Variants in SKP2 observed in about 807,000 individuals in gnomAD.
The protein encoded by SKP2 is S-phase kinase associated protein 2.
Under a neutral mutation model 51.8 loss-of-function variants are expected in SKP2, and 16 were observed. The observed-to-expected ratio is 0.31, with a 90% CI of 0.21 to 0.47. The LOEUF is 0.47. Among genes scored for constraint, SKP2 ranks in the 20% least tolerant of loss-of-function variants. The pLI, the probability that SKP2 is intolerant of heterozygous loss-of-function variation, is 1.00. For missense variants in SKP2, 377 were observed against 505.3 expected, an observed-to-expected ratio of 0.75 and a Z score of 2.43; for synonymous variants, 176 against 198.6, an observed-to-expected ratio of 0.89 and a Z score of 0.96.
intron 6 of SKP2, among the ~76,000 whole-genome samples, chr5:36,191,448 A>G (rs761140691): frequency 7.0e-6 from 1 of 142,850 alleles, no homozygotes; most frequent in Non-Finnish European, 1.5e-5. Context: ...CTGTTCTTCT[A>G]TTCAGATACA....
intron 4 of SKP2, among the ~76,000 whole-genome samples, chr5:36,167,116 C>T (rs975582082): frequency 2.0e-5 from 3 of 151,476 alleles, no homozygotes; most frequent in Non-Finnish European, 4.4e-5. Flanking sequence ...GAAAAAAATG[C>T]CCTCTTTTTG....
rs373280410 is a variant in SKP2, at chr5:36,166,527, A to G, written c.401A>G (p.Glu134Gly). ...CKRWYRLASDESLWQTLDLTG... is the reference protein window; with the variant it reads ...CKRWYRLASDGSLWQTLDLTG... The stretch of plus-strand genomic sequence containing the variant: ...TATCTCCTCTTTTATAGGTCTGATG[A>G]GTCTCTATGGCAGACCTTAGACCTC... Residue 134 changes from glutamate to glycine, a missense_variant, in exon 4 of 10, where the codon GAG (glutamate) becomes GGG (glycine). Physicochemically the swap from Glu to Gly is moderately conservative, Grantham distance 98. Around this residue, in one of 2 missense-constraint regions of SKP2, gnomAD observed 262 missense variants for 389.8 expected, o/e 0.67. Transcript: ENST00000274255. The G allele has an allele frequency of 2.5e-6, 4 of 1,613,802 alleles. No individual in the cohort carries two copies. In the African/African-American group the frequency reaches 5.3e-5, roughly 22 times the overall value.
Position 36,182,738 on chromosome 5 carries a change from T to G in SKP2, c.*707T>G. ...AATCTGAAGTATCCTGTAATGTTCA[T>G]TAAGTTACTGTGTTTCCAGAATCTA... On this transcript the variant is annotated 3_prime_UTR_variant, in exon 10 of 10. Transcript: ENST00000274255. 1 of 981,426 alleles carries G rather than the reference T, an allele frequency of 1.0e-6. No homozygotes were observed. 60.8% of individuals were successfully genotyped at this position (981,426 alleles called of 1,614,324 possible). A position where few individuals can be genotyped will look rare whatever the true frequency, so the allele number is the denominator to read the frequency against.
chr5:36,173,670 C>T (rs941124431), intron 7 of SKP2, among the ~76,000 whole-genome samples: 1 of 152,112 alleles, frequency 6.6e-6, no homozygotes, highest in African/African-American at 2.4e-5. Flanking sequence ...AGCCTGTTTA[C>T]CGAGTTTTGG....
At chr5:36,178,559 G>A (rs1238622811) in intron 9 of SKP2, among the ~76,000 whole-genome samples, 1 of 152,042 alleles carries the variant, frequency 6.6e-6, no homozygotes, top group Non-Finnish European at 1.5e-5. Flanking sequence ...TCATGCGCAT[G>A]AAACTCTTAT....
intron 7 of SKP2, among the ~76,000 whole-genome samples, chr5:36,175,948 TA>T (rs1008960771): frequency 5.4e-5 from 8 of 148,730 alleles, no homozygotes; most frequent in East Asian, 3.9e-4. Flanking sequence ...CTGAATTCTT[TA>T]AAAAAAAAAG....
chr5:36,178,568 A>T (rs984049524), intron 9 of SKP2, among the ~76,000 whole-genome samples: 1 of 152,038 alleles, frequency 6.6e-6, no homozygotes, highest in Non-Finnish European at 1.5e-5. Context: ...TGAAACTCTT[A>T]TTAAAATCCC....
chr5:36,167,055 A>T (rs559110203), intron 4 of SKP2, among the ~76,000 whole-genome samples: 1 of 152,206 alleles, frequency 6.6e-6, no homozygotes, highest in East Asian at 1.9e-4. Flanking sequence ...GAGTCTTTTC[A>T]TGTTTGTAGC....
chr5:36,159,844 A>G (rs1745070172), intron 2 of SKP2, among the ~76,000 whole-genome samples: 1 of 152,206 alleles, frequency 6.6e-6, no homozygotes, highest in Non-Finnish European at 1.5e-5. Flanking sequence ...GGGGGACCCA[A>G]ACTTAAATAA....
Position 36,153,012 on chromosome 5 carries a change from A to G in SKP2, c.250A>G (p.Arg84Gly). The G allele has an allele frequency of 6.2e-7, 1 of 1,614,186 alleles. No homozygotes were observed. Among genetic ancestry groups the G allele is most frequent in the South Asian group, 1.1e-5 (1 of 91,084 alleles). The change falls in exon 2 of 10, where the codon AGG becomes GGG. Residue 84 changes from arginine to glycine, a missense_variant. By Grantham distance (125) the Arg-to-Gly change is moderately radical. Transcript: ENST00000274255. ...TGACAAAGACTTTGTGATTGTCCGC[A>G]GGCCTAAGCTAAATCGAGAGAACTT... is the stretch of plus-strand genomic sequence containing the variant. ...GSDKDFVIVRRPKLNRENFPG... is the reference protein window; with the variant it reads ...GSDKDFVIVRGPKLNRENFPG...
At chr5:36,166,465 C>T in intron 3 of SKP2, 54 bp from the exon 4 acceptor site, 1 of 1,532,058 alleles carries the variant, frequency 6.5e-7, no homozygotes, top group African/African-American at 1.4e-5. Flanking sequence ...TTGTTGAGGG[C>T]TTCCAGCATT....
intron 2 of SKP2, among the ~76,000 whole-genome samples, chr5:36,157,167 ATCTT>A (rs1181238820): frequency 1.3e-5 from 2 of 152,092 alleles, no homozygotes; most frequent in Non-Finnish European, 2.9e-5. Context: ...CTTCCCAGTC[ATCTT>A]TCTTTGTTCC....
chr5:36,178,064 T>C (rs1745691209), intron 9 of SKP2, among the ~76,000 whole-genome samples: 1 of 152,142 alleles, frequency 6.6e-6, no homozygotes, highest in East Asian at 1.9e-4. Flanking sequence ...GGGAATCATA[T>C]CTTGTTTGAA....
chr5:36,165,371 T>TA (rs1167485620), intron 3 of SKP2, among the ~76,000 whole-genome samples: 2 of 152,194 alleles, frequency 1.3e-5, no homozygotes, highest in African/African-American at 4.8e-5. Context: ...TTCATCTTCC[T>TA]AAAAAATGTA....
intron 9 of SKP2, among the ~76,000 whole-genome samples, chr5:36,179,331 A>G (rs1265108542): frequency 6.6e-6 from 1 of 152,204 alleles, no homozygotes; most frequent in Non-Finnish European, 1.5e-5. Flanking sequence ...TTTCCATAAT[A>G]ATTTCAAGAG....
At chr5:36,168,177 T>C in intron 4 of SKP2, 136 bp from the exon 5 acceptor site, 1 of 753,230 alleles carries the variant, frequency 1.3e-6, no homozygotes, top group Non-Finnish European at 2.2e-6. Flanking sequence ...TATGACCCTA[T>C]AGTTAATGCT....
exon 7 of SKP2, chr5:36,192,645 G>A (rs1435024355): frequency 6.6e-6 from 1 of 152,086 alleles, no homozygotes; most frequent in Non-Finnish European, 1.5e-5. Context: ...AATGCACAAG[G>A]AGTATCAAAA....
chr5:36,186,842 G>C (rs181617191), downstream of SKP2, among the ~76,000 whole-genome samples: 43 of 152,250 alleles, frequency 2.8e-4, 2 homozygotes, highest in East Asian at 7.3e-3. Flanking sequence ...TTGTACCTCT[G>C]GTAGAATTTG....
At chr5:36,170,498 C>T (rs1411364571) in intron 6 of SKP2, 56 bp downstream of exon 6, 3 of 1,050,346 alleles carry the variant, frequency 2.9e-6, no homozygotes, top group Non-Finnish European at 2.9e-6. Context: ...AAAATTATCC[C>T]TCACATCTGT....
Sources: gnomAD v4.1 joint callset for allele counts (sites outside exome capture counted in the v4.1 genomes callset) on GRCh38, gnomAD v4.1.1 for gene constraint, gnomAD v4.1.1 regional missense constraint, MANE v1.5 for transcripts, NCBI Gene and HGNC (gene_info 2026-07-23, HGNC 2026-07-21) for gene names.